The following NKAIN2 variants were observed in gnomAD, a reference collection of about 807,000 sequenced individuals.
NKAIN2 encodes sodium/potassium transporting ATPase interacting 2.
NKAIN2 carries 14 observed loss-of-function variants against 32.6 expected under a neutral mutation model. The observed-to-expected ratio is 0.43, with a 90% CI of 0.28 to 0.67. The LOEUF is 0.67. Among genes scored for constraint, NKAIN2 ranks in the 30% least tolerant of loss-of-function variants. The pLI is 0.17. For synonymous variants in NKAIN2, 80 were observed against 87.2 expected (o/e 0.92, Z 0.46); for missense variants, 198 against 258.3 (o/e 0.77, Z 1.60).
At chr6:123,923,119 A>G (rs964132811) in intron 1 of NKAIN2, among the ~76,000 whole-genome samples, 1 of 134,836 alleles carries the variant, frequency 7.4e-6, no homozygotes, top group East Asian at 3.1e-4. Context: ...TTTTCAAGGG[A>G]TTACCAAAAA....
chr6:124,062,510 C>T (rs1206733761), intron 1 of NKAIN2, among the ~76,000 whole-genome samples: 3 of 152,148 alleles, frequency 2.0e-5, no homozygotes, highest in Non-Finnish European at 4.4e-5. Flanking sequence ...CTCACTTCAG[C>T]CTTGACCTCC....
At chr6:124,190,739 C>T (rs1789973963) in intron 1 of NKAIN2, among the ~76,000 whole-genome samples, 1 of 152,128 alleles carries the variant, frequency 6.6e-6, no homozygotes, top group African/African-American at 2.4e-5. Flanking sequence ...AGACAAATTA[C>T]ATGTAAGATT....
chr6:124,451,933 G>C (rs1197495904), intron 3 of NKAIN2, among the ~76,000 whole-genome samples: 1 of 151,960 alleles, frequency 6.6e-6, no homozygotes, highest in Non-Finnish European at 1.5e-5. Flanking sequence ...GTGGCTCAAA[G>C]CCTGTAATCC....
chr6:123,966,714 A>T (rs1582855122), intron 1 of NKAIN2, among the ~76,000 whole-genome samples: 1 of 152,194 alleles, frequency 6.6e-6, no homozygotes, highest in Non-Finnish European at 1.5e-5. Flanking sequence ...TGAGCAAGTC[A>T]TATAACTCTG....
chr6:124,179,458 T>C (rs995289966), intron 1 of NKAIN2, among the ~76,000 whole-genome samples: 2 of 152,238 alleles, frequency 1.3e-5, no homozygotes, highest in African/African-American at 4.8e-5. Context: ...TAGGATCAAA[T>C]AATGTAAACA....
chr6:124,110,415 T>G (rs913912861), intron 1 of NKAIN2, among the ~76,000 whole-genome samples: 8 of 152,080 alleles, frequency 5.3e-5, no homozygotes, highest in Non-Finnish European at 1.2e-4. Flanking sequence ...ATTTCAACTT[T>G]TATTTTAGTT....
chr6:124,520,390 T>C (rs1029253045), intron 3 of NKAIN2, among the ~76,000 whole-genome samples: 2 of 152,204 alleles, frequency 1.3e-5, no homozygotes, highest in Non-Finnish European at 2.9e-5. Context: ...CCCCAGAAGC[T>C]GCTGCACAAG....
At chr6:124,064,341 A>T (rs1333546803) in intron 1 of NKAIN2, among the ~76,000 whole-genome samples, 2 of 152,194 alleles carry the variant, frequency 1.3e-5, no homozygotes, top group East Asian at 1.9e-4. Context: ...TGCTAAAAAA[A>T]TGTGAAATTT....
At chr6:124,224,504 A>G (rs950733469) in intron 1 of NKAIN2, among the ~76,000 whole-genome samples, 2 of 152,084 alleles carry the variant, frequency 1.3e-5, no homozygotes, top group African/African-American at 4.8e-5. Context: ...AGCAAACTGT[A>G]GCTCCCCAGA....
intron 1 of NKAIN2, among the ~76,000 whole-genome samples, chr6:124,094,924 C>T (rs1784588168): frequency 6.6e-6 from 1 of 152,084 alleles, no homozygotes; most frequent in African/African-American, 2.4e-5. Flanking sequence ...TAGCTAGAAT[C>T]ATTGAGTTGT....
At chr6:124,350,898 A>C (rs1213135400) in intron 2 of NKAIN2, among the ~76,000 whole-genome samples, 1 of 152,168 alleles carries the variant, frequency 6.6e-6, no homozygotes, top group East Asian at 1.9e-4. Flanking sequence ...CTGAGGCAGG[A>C]GGATCACTAG....
At chr6:124,664,022 G>A (rs1772636784) in intron 4 of NKAIN2, among the ~76,000 whole-genome samples, 1 of 151,970 alleles carries the variant, frequency 6.6e-6, no homozygotes, top group South Asian at 2.1e-4. Flanking sequence ...TGCCTATAAT[G>A]CCAGCACATT....
At chr6:124,134,642 C>T (rs1786644254) in intron 1 of NKAIN2, among the ~76,000 whole-genome samples, 1 of 152,130 alleles carries the variant, frequency 6.6e-6, no homozygotes. Flanking sequence ...CAGAATTACA[C>T]CACTGCACTC....
At chr6:124,141,525 T>C (rs78333845) in intron 1 of NKAIN2, among the ~76,000 whole-genome samples, 6,986 of 152,080 alleles carry the variant, frequency 0.046, 246 homozygotes, top group East Asian at 0.12. Flanking sequence ...ATCTAGTTGC[T>C]TCTGGCTTAA....
chr6:124,082,885 A>T (rs1039416344), intron 1 of NKAIN2, among the ~76,000 whole-genome samples: 3 of 152,062 alleles, frequency 2.0e-5, no homozygotes, highest in African/African-American at 7.2e-5. Context: ...ATTAACAAGC[A>T]GTGTAGTAGG....
intron 5 of NKAIN2, among the ~76,000 whole-genome samples, chr6:124,800,139 A>G (rs1388296534): frequency 6.6e-6 from 1 of 152,226 alleles, no homozygotes; most frequent in African/African-American, 2.4e-5. Context: ...AGAAGATGAC[A>G]TTCAAAGTTA....
At chr6:124,704,511 A>T (rs1010816657) in intron 4 of NKAIN2, among the ~76,000 whole-genome samples, 7 of 151,990 alleles carry the variant, frequency 4.6e-5, no homozygotes, top group South Asian at 2.1e-4. Flanking sequence ...ATAATAATAA[A>T]AAAACATGTT....
chr6:124,592,535 C>G (rs911653907), intron 3 of NKAIN2, among the ~76,000 whole-genome samples: 4 of 152,176 alleles, frequency 2.6e-5, no homozygotes, highest in African/African-American at 9.7e-5. Context: ...AATGGGAAAG[C>G]TAAAGTATGC....
chr6:124,758,555 T>A (rs1336129844), intron 4 of NKAIN2, among the ~76,000 whole-genome samples: 1 of 152,134 alleles, frequency 6.6e-6, no homozygotes, highest in South Asian at 2.1e-4. Context: ...CTGAACAGAC[T>A]AAGACATCAA....
Sources: gnomAD v4.1 joint callset for allele counts (sites outside exome capture counted in the v4.1 genomes callset) on GRCh38, gnomAD v4.1.1 for gene constraint, MANE v1.5 for transcripts, NCBI Gene and HGNC (gene_info 2026-07-23, HGNC 2026-07-21) for gene names.